The following MASTL variants were observed in gnomAD, a reference collection of about 807,000 sequenced individuals.
MASTL encodes serine/threonine-protein kinase greatwall.
MASTL carries 54 observed loss-of-function variants against 82.5 expected under a neutral mutation model. The ratio of observed to expected loss-of-function variants is 0.65; its 90% CI spans 0.53 to 0.82. The LOEUF is 0.82. MASTL is among the 40% of genes least tolerant of loss of function. The pLI is 0.00. For missense variants in MASTL, 950 were observed against 1,047.8 expected (o/e 0.91, Z 1.29); for synonymous variants, 323 against 368.9 (o/e 0.88, Z 1.43).
chr10:27,181,454 G>A (rs537376092), intron 10 of MASTL, 26 bp from the exon 11 acceptor site: 2 of 1,494,896 alleles, frequency 1.3e-6, no homozygotes, highest in Non-Finnish European at 1.9e-6. Flanking sequence ...TAATAAACAA[G>A]TTTATTTGTA....
intron 9 of MASTL, among the ~76,000 whole-genome samples, chr10:27,174,353 T>G (rs1215094165): frequency 6.6e-6 from 1 of 150,920 alleles, no homozygotes; most frequent in Non-Finnish European, 1.5e-5. Context: ...AGACTCTGTC[T>G]AAAAAAAAAT....
Position 27,169,962 on chromosome 10 carries a change from G to C in MASTL, c.1003G>C (p.Gly335Arg), listed in dbSNP as rs762108806. 1.9e-6 allele frequency: 3 copies of C among 1,613,976 alleles called. No homozygotes were observed. The highest frequency in any genetic ancestry group is 2.5e-6 in the Non-Finnish European group (3 of 1,180,010). Residue 335 changes from glycine (G) to arginine (R), a missense_variant, in exon 8 of 12, where the codon GGC becomes CGC. Transcript: ENST00000375940. ...KDCQESDEALGPTMMSWNAVE... is the reference protein window; with the variant it reads ...KDCQESDEALRPTMMSWNAVE... Reference sequence around the variant, plus strand: ...CTCTTAGGAAAGTGATGAAGCATTGGGCCCAACAATGATGAGTTGGAATGC... The same window carrying C: ...CTCTTAGGAAAGTGATGAAGCATTGCGCCCAACAATGATGAGTTGGAATGC...
At position 27,164,584 on chromosome 10, in the gene MASTL, T is replaced by G. The variant is rs569731217; in HGVS notation, c.554-480T>G. ...TTCTATCTTGACCTAGGCTTAAACATATTAGCTAACGTGAGGGGCCTAAAA... is the reference window on the plus strand; with the variant it reads ...TTCTATCTTGACCTAGGCTTAAACAGATTAGCTAACGTGAGGGGCCTAAAA... On this transcript the variant is annotated intron_variant, in intron 4 of 11. Transcript: ENST00000375940. Among the ~76,000 whole-genome samples, 4 of 152,284 alleles carry G rather than the reference T, an allele frequency of 2.6e-5. No individual in the cohort carries two copies. In the East Asian group the frequency reaches 7.7e-4, roughly 29 times the overall value.
At chr10:27,161,847 A>G (rs982658326) in intron 4 of MASTL, among the ~76,000 whole-genome samples, 2 of 152,238 alleles carry the variant, frequency 1.3e-5, no homozygotes, top group Non-Finnish European at 2.9e-5. Flanking sequence ...CAGAATAACT[A>G]TAACATGATG....
rs753424262 is a variant in MASTL at position 27,170,096 on chromosome 10, C to T, written c.1137C>T (p.Pro379=). The T allele has an allele frequency of 6.2e-7, 1 of 1,614,134 alleles. No homozygotes were observed. Among genetic ancestry groups the T allele is most frequent in the Admixed American group, 1.7e-5 (1 of 60,012 alleles). ...LSPIHNSSAL[P]TTGRSCVNLA... is the part of the protein sequence containing the mutation. The stretch of plus-strand genomic sequence containing the variant: ...CCATTCATAACAGCAGTGCCCTTCC[C>T]ACCACTGGACGCTCTTGTGTAAACC... Residue 379 remains proline, a synonymous_variant, in exon 8 of 12, where the codon CCC becomes CCT. Transcript: ENST00000375940.
chr10:27,166,846 T>C (rs555225460), intron 6 of MASTL, among the ~76,000 whole-genome samples: 22 of 152,172 alleles, frequency 1.4e-4, no homozygotes, highest in Non-Finnish European at 3.2e-4. Context: ...CTAACTTTCA[T>C]AGCAGTACTT....
At position 27,155,405 on chromosome 10, in the gene MASTL, G is replaced by A. The variant is rs770133536; in HGVS notation, c.-22G>A. The A allele has an allele frequency of 1.9e-6, 3 of 1,586,446 alleles. No individual in the cohort carries two copies. Among genetic ancestry groups the A allele is most frequent in the South Asian group, 2.3e-5 (2 of 88,884 alleles). On this transcript the variant is annotated 5_prime_UTR_variant, in exon 1 of 12. Coordinates refer to ENST00000375940, the MANE Select transcript of MASTL (RefSeq NM_001172303.3). ...GCTCGCGGAGGGGCAGTGTCTGCGG[G>A]GCCGCTGTATGCTGTCCAGCGATGG...
chr10:27,166,405 G>C (rs1440502960), intron 6 of MASTL, among the ~76,000 whole-genome samples: 1 of 152,106 alleles, frequency 6.6e-6, no homozygotes, highest in Admixed American at 6.6e-5. Flanking sequence ...TAGCACGTCT[G>C]GATATACCAC....
chr10:27,155,447 C>G lies in MASTL; in HGVS notation c.21C>G (p.Ser7Arg), dbSNP rs879587342. ...CAGCGATGGATCCCACCGCGGGAAG[C>G]AAGAAGGAGCCTGGAGGAGGCGCGG... is the stretch of plus-strand genomic sequence containing the variant. The part of the protein sequence containing the change: MDPTAG[S>R]KKEPGGGAAT... The change falls in exon 1 of 12, where the codon AGC becomes AGG. Residue 7 changes from serine (S) to arginine (R), a missense_variant. By Grantham distance (110) the Ser-to-Arg change is moderately radical (BLOSUM62 -1). Coordinates refer to ENST00000375940, the MANE Select transcript of MASTL (RefSeq NM_001172303.3). 1.9e-6 allele frequency: 3 copies of G among 1,611,930 alleles called. No homozygotes were observed. Among genetic ancestry groups the G allele is most frequent in the Non-Finnish European group, 2.5e-6 (3 of 1,179,408 alleles).
At chr10:27,173,742 G>A (rs905711335) in intron 9 of MASTL, among the ~76,000 whole-genome samples, 40 of 151,868 alleles carry the variant, frequency 2.6e-4, no homozygotes, top group African/African-American at 8.7e-4. Context: ...CATCATGCCC[G>A]CCTAATTTTT....
intron 9 of MASTL, among the ~76,000 whole-genome samples, chr10:27,176,849 C>CT (rs11334357): frequency 0.011 from 1,404 of 124,792 alleles, 90 homozygotes; most frequent in Admixed American, 0.093. Context: ...TTTCTTTTTT[C>CT]TTTTTTTTTT....
chr10:27,175,133 G>C (rs925793627), intron 9 of MASTL, among the ~76,000 whole-genome samples: 2 of 151,348 alleles, frequency 1.3e-5, no homozygotes, highest in Admixed American at 1.3e-4. Context: ...ATTTTGCTCT[G>C]GCAACTTATC....
In MASTL at chr10:27,167,151, T is replaced by G; in HGVS notation, c.861T>G (p.Thr287=). The change falls in exon 7 of 12, where the codon ACT becomes ACG. Residue 287 remains threonine (T), a synonymous_variant. Transcript: ENST00000375940. Reference sequence around the variant, plus strand: ...CAGGAATGCCTGTGAAGTGTCTAACTTCTAATTTACTCCAGTCTAGGAAAA... The same window carrying G: ...CAGGAATGCCTGTGAAGTGTCTAACGTCTAATTTACTCCAGTCTAGGAAAA... The part of the protein sequence containing the change: ...SNPGMPVKCL[T]SNLLQSRKRL... 1 of 1,614,130 alleles carries G rather than the reference T, an allele frequency of 6.2e-7. No homozygotes were observed. The highest frequency in any genetic ancestry group is 2.2e-5 in the East Asian group (1 of 44,874).
intron 4 of MASTL, among the ~76,000 whole-genome samples, chr10:27,163,769 T>C (rs1192945982): frequency 2.0e-5 from 3 of 152,124 alleles, no homozygotes; most frequent in Non-Finnish European, 4.4e-5. Context: ...TAGCTGGGAC[T>C]ACAGGCACCC....
At position 27,187,919 on chromosome 10, in the gene MASTL, T is replaced by C. The variant is rs1005893612; in HGVS notation, c.*1383T>C. On this transcript the variant is annotated 3_prime_UTR_variant, in exon 12 of 12. Coordinates refer to ENST00000375940, the MANE Select transcript of MASTL (RefSeq NM_001172303.3). ...TGGTCCTTAAAAAACAAAACATAAT[T>C]TTCTTTTGCTTAATAAATATAACTA... Among the ~76,000 whole-genome samples, 1 of 152,176 alleles carries C rather than the reference T, an allele frequency of 6.6e-6. No homozygotes were observed. Among genetic ancestry groups the C allele is most frequent in the African/African-American group, 2.4e-5 (1 of 41,436 alleles).
chr10:27,183,018 T>C (rs1164619113), intron 11 of MASTL, among the ~76,000 whole-genome samples: 3 of 152,150 alleles, frequency 2.0e-5, no homozygotes, highest in African/African-American at 7.2e-5. Flanking sequence ...GAAATCTTTT[T>C]TTATGAAACC....
At chr10:27,168,216 A>G (rs1263940643) in intron 7 of MASTL, among the ~76,000 whole-genome samples, 1 of 152,204 alleles carries the variant, frequency 6.6e-6, no homozygotes, top group East Asian at 1.9e-4. Context: ...AGAGTTTCTT[A>G]ATCTTTTTTC....
rs766158161 is a variant in MASTL, at chr10:27,155,388, AGGGG to A, written c.-38_-35del. 1 of 1,555,232 alleles carries A rather than the reference AGGGG, an allele frequency of 6.4e-7. No homozygotes were observed. Among genetic ancestry groups the A allele is most frequent in the Non-Finnish European group, 8.7e-7 (1 of 1,150,678 alleles). On this transcript the variant is annotated 5_prime_UTR_variant, in exon 1 of 12. Transcript: ENST00000375940. ...AGTTGGCGGGAGTGGCTGCTCGCGGAGGGGCAGTGTCTGCGGGGCCGCTGTATGC... is the reference window on the plus strand; with the variant it reads ...AGTTGGCGGGAGTGGCTGCTCGCGGACAGTGTCTGCGGGGCCGCTGTATGC...
intron 11 of MASTL, among the ~76,000 whole-genome samples, chr10:27,183,427 G>A (rs2058443008): frequency 6.6e-6 from 1 of 152,032 alleles, no homozygotes; most frequent in East Asian, 1.9e-4. Flanking sequence ...GGGACTACAG[G>A]CATGTGCCAC....
Sources: allele counts gnomAD v4.1 joint callset (sites outside exome capture counted in the v4.1 genomes callset), GRCh38; gene constraint gnomAD v4.1.1; transcripts MANE v1.5; gene names NCBI Gene and HGNC (gene_info 2026-07-23, HGNC 2026-07-21).